The following CNTN5 variants were observed in gnomAD, a reference collection of about 807,000 sequenced individuals.
The protein encoded by CNTN5 is contactin 5.
CNTN5 carries 77 observed loss-of-function variants against 129.1 expected under a neutral mutation model. The observed-to-expected ratio is 0.60, with a 90% CI of 0.50 to 0.72. The LOEUF (loss-of-function observed/expected upper bound fraction) is 0.72. CNTN5 is among the 30% of genes least tolerant of loss of function. The probability of loss-of-function intolerance (pLI) is 0.00; values close to 1 mark genes in which losing one functional copy is unlikely to be tolerated. For synonymous variants in CNTN5, 509 were observed against 465.6 expected (o/e 1.09, Z -1.20); for missense variants, 1,478 against 1,328.8 (o/e 1.11, Z -1.75).
At chr11:100,267,388 T>C (rs1276880391) in intron 17 of CNTN5, among the ~76,000 whole-genome samples, 1 of 152,006 alleles carries the variant, frequency 6.6e-6, no homozygotes, top group Non-Finnish European at 1.5e-5. Context: ...ATTACTTCCT[T>C]AGAAGCTCTA....
intron 1 of CNTN5, among the ~76,000 whole-genome samples, chr11:99,251,716 C>A (rs1862114539): frequency 6.6e-6 from 1 of 151,790 alleles, no homozygotes. Flanking sequence ...GCCTAATAAT[C>A]CAATATGAAA....
intron 2 of CNTN5, among the ~76,000 whole-genome samples, chr11:99,474,526 G>A (rs950072321): frequency 1.3e-5 from 2 of 151,912 alleles, no homozygotes; most frequent in Non-Finnish European, 2.9e-5. Context: ...CCATTTCGTT[G>A]TCTTTTTAAA....
intron 23 of CNTN5, among the ~76,000 whole-genome samples, chr11:100,345,369 A>G (rs537538507): frequency 5.3e-5 from 8 of 152,268 alleles, no homozygotes; most frequent in Admixed American, 5.2e-4. Flanking sequence ...TGAAAGGAGA[A>G]GTCCTTGTGA....
intron 1 of CNTN5, among the ~76,000 whole-genome samples, chr11:99,248,310 T>C (rs1351740866): frequency 6.6e-6 from 1 of 152,124 alleles, no homozygotes; most frequent in East Asian, 1.9e-4. Context: ...GATGGGGTTG[T>C]TTGTTTTTTT....
In CNTN5 at chr11:99,782,224, A is replaced by C. The variant is rs539248097; in HGVS notation, c.56-37320A>C. Among the ~76,000 whole-genome samples, 443 of 146,724 alleles carry C rather than the reference A, an allele frequency of 3.0e-3. 9 individuals are homozygous for C. The highest frequency in any genetic ancestry group is 2.1e-3 in the East Asian group (10 of 4,874). On this transcript the variant is annotated intron_variant, in intron 3 of 24. Coordinates refer to ENST00000524871, the MANE Select transcript of CNTN5 (RefSeq NM_014361.4). ...CCAAATCATGAGTGAACTCCCATTC[A>C]CAATTGCTTCAAAGAGAATAAAATA...
At chr11:99,858,012 T>G (rs1290077619) in intron 6 of CNTN5, among the ~76,000 whole-genome samples, 1 of 152,018 alleles carries the variant, frequency 6.6e-6, no homozygotes, top group Non-Finnish European at 1.5e-5. Context: ...GTCTACCCAG[T>G]GCCACTGCCA....
chr11:99,915,298 T>C (rs1053930847), intron 6 of CNTN5, among the ~76,000 whole-genome samples: 3 of 152,126 alleles, frequency 2.0e-5, no homozygotes, highest in African/African-American at 7.2e-5. Context: ...ACAATTTAAA[T>C]TACACATCAT....
chr11:99,571,000 A>G (rs1156812571), intron 3 of CNTN5, among the ~76,000 whole-genome samples: 1 of 152,220 alleles, frequency 6.6e-6, no homozygotes, highest in Non-Finnish European at 1.5e-5. Context: ...AATACAGATG[A>G]GAGAAGAATC....
At chr11:99,935,843 C>T (rs551659180) in intron 7 of CNTN5, among the ~76,000 whole-genome samples, 5 of 152,202 alleles carry the variant, frequency 3.3e-5, no homozygotes, top group African/African-American at 1.2e-4. Flanking sequence ...TTTAAGTTGC[C>T]AGACTACTAG....
chr11:100,192,619 A>G (rs1340239292), intron 14 of CNTN5, among the ~76,000 whole-genome samples: 1 of 152,038 alleles, frequency 6.6e-6, no homozygotes, highest in Non-Finnish European at 1.5e-5. Flanking sequence ...CTAACTAGGA[A>G]AGAAGATAAA....
chr11:99,513,273 C>T (rs1276238697), intron 2 of CNTN5, among the ~76,000 whole-genome samples: 4 of 152,078 alleles, frequency 2.6e-5, no homozygotes, highest in Non-Finnish European at 4.4e-5. Flanking sequence ...AGATAGCAGA[C>T]GTTGGTTCAT....
At chr11:99,039,121 AAT>A (rs1351314951) in intron 1 of CNTN5, among the ~76,000 whole-genome samples, 1 of 152,172 alleles carries the variant, frequency 6.6e-6, no homozygotes, top group Non-Finnish European at 1.5e-5. Flanking sequence ...CTGAATTAAG[AAT>A]AGAGTCCATT....
chr11:100,343,735 A>T (rs1952217022), intron 23 of CNTN5, among the ~76,000 whole-genome samples: 1 of 152,104 alleles, frequency 6.6e-6, no homozygotes, highest in Non-Finnish European at 1.5e-5. Context: ...GAACTGTACC[A>T]TCTGAAGGTG....
At chr11:99,933,218 A>G (rs2136082580) in intron 7 of CNTN5, among the ~76,000 whole-genome samples, 1 of 152,354 alleles carries the variant, frequency 6.6e-6, no homozygotes, top group African/African-American at 2.4e-5. Flanking sequence ...AATAGAAACA[A>G]ATAGAAAATG....
chr11:99,323,240 C>T (rs1014520115), intron 1 of CNTN5, among the ~76,000 whole-genome samples: 1 of 152,062 alleles, frequency 6.6e-6, no homozygotes, highest in Non-Finnish European at 1.5e-5. Context: ...AAGATCTAAG[C>T]ATAAGTATAT....
At chr11:99,964,946 G>A (rs916567640) in intron 8 of CNTN5, among the ~76,000 whole-genome samples, 93 of 152,208 alleles carry the variant, frequency 6.1e-4, no homozygotes, top group Non-Finnish European at 8.8e-4. Flanking sequence ...GTTTATTTGC[G>A]TAGAGATGTT....
At chr11:99,802,593 G>GA (rs35479036) in intron 3 of CNTN5, among the ~76,000 whole-genome samples, 2 of 152,144 alleles carry the variant, frequency 1.3e-5, no homozygotes, top group African/African-American at 4.8e-5. Flanking sequence ...CCTAATCTAG[G>GA]AAAGTGACTG....
chr11:99,634,172 A>G (rs568028512), intron 3 of CNTN5, among the ~76,000 whole-genome samples: 2 of 152,326 alleles, frequency 1.3e-5, no homozygotes, highest in South Asian at 4.1e-4. Flanking sequence ...GGTTGAAGAA[A>G]AAGTTGTAAG....
rs562495896 is a variant in CNTN5, at chr11:99,573,978, C to T, written c.55+17709C>T. On this transcript the variant is annotated intron_variant, in intron 3 of 24. Coordinates refer to ENST00000524871, the MANE Select transcript of CNTN5 (RefSeq NM_014361.4). Reference sequence around the variant, plus strand: ...CGTGCAGGTTTGTTACGTAAGTATACACATGCCATGGTGGTTTGCTGCACC... The same window carrying T: ...CGTGCAGGTTTGTTACGTAAGTATATACATGCCATGGTGGTTTGCTGCACC... Among the ~76,000 whole-genome samples, 9 of 152,174 alleles carry T rather than the reference C, an allele frequency of 5.9e-5. No homozygotes were observed. The East Asian group carries it at 1.7e-3, about 29-fold the overall frequency.
Sources: gnomAD v4.1 joint callset for allele counts (sites outside exome capture counted in the v4.1 genomes callset) on GRCh38, gnomAD v4.1.1 for gene constraint, MANE v1.5 for transcripts, NCBI Gene and HGNC (gene_info 2026-07-23, HGNC 2026-07-21) for gene names.